Variants in NDRG2 observed in about 807,000 individuals in gnomAD.
NDRG2 encodes the protein protein NDRG2.
Under a neutral mutation model 58.2 loss-of-function variants are expected in NDRG2, and 34 were observed. The observed-to-expected ratio is 0.58, with a 90% CI of 0.44 to 0.78. NDRG2 has a LOEUF of 0.78. Ranked by LOEUF, NDRG2 falls within the 30% of genes least tolerant of loss-of-function variation. The pLI is 0.00. For missense variants in NDRG2, 434 were observed against 471.2 expected (o/e 0.92, Z 0.73); for synonymous variants, 187 against 175.9 (o/e 1.06, Z -0.50).
At chr14:21,025,161 C>T (rs540943432), upstream of NDRG2, 635 of 948,056 alleles carry the variant, frequency 6.7e-4, 4 homozygotes, top group African/African-American at 9.8e-3. The surrounding 1 kb of genome is among the most constrained non-coding windows in gnomAD (Gnocchi z 5.1). Flanking sequence ...AGACCCGCCC[C>T]AGACCCCCAG....
At chr14:21,051,423 T>C (rs569026476) in intron 1 of NDRG2, among the ~76,000 whole-genome samples, 1 of 152,238 alleles carries the variant, frequency 6.6e-6, no homozygotes, top group African/African-American at 2.4e-5. Flanking sequence ...AGCCTTGTTG[T>C]GGTAAGTCAG....
At chr14:21,033,836 A>G in intron 1 of NDRG2, 1 of 1,611,698 alleles carries the variant, frequency 6.2e-7, no homozygotes, top group Non-Finnish European at 8.5e-7. Context: ...CCGAATAGAG[A>G]CCAGCGATAC....
chr14:21,031,896 C>A (rs1406065877), intron 1 of NDRG2: 1 of 1,613,086 alleles, frequency 6.2e-7, no homozygotes, highest in East Asian at 2.2e-5. Flanking sequence ...TTGCAGAAAG[C>A]AACAACAGTG....
At chr14:21,030,968 G>A in intron 1 of NDRG2, 1 of 1,572,760 alleles carries the variant, frequency 6.4e-7, no homozygotes, top group Non-Finnish European at 8.6e-7. Context: ...GGAAGGTAAT[G>A]CATTCATGCT....
chr14:21,061,015 T>A (rs931744301), intron 1 of NDRG2, among the ~76,000 whole-genome samples: 13 of 152,190 alleles, frequency 8.5e-5, no homozygotes, highest in African/African-American at 3.1e-4. Flanking sequence ...TATACCTAGG[T>A]TGGTACAACC....
upstream of NDRG2, chr14:21,025,736 C>T (rs1390780724): frequency 2.5e-5 from 13 of 528,264 alleles, no homozygotes; most frequent in Middle Eastern, 2.0e-3. This position sits in a 1 kb window ranked among gnomAD's most constrained non-coding sequence, Gnocchi z 5.1. Flanking sequence ...AGAAGTTGGA[C>T]AACAAGGCGG....
At position 21,068,161 on chromosome 14, in the gene NDRG2, G is replaced by T. The variant is rs1317751042; in HGVS notation, c.24+2667C>A. On this transcript the variant is annotated intron_variant, in intron 1 of 14. Transcript: ENST00000403829. ...ACTACAGGCGCCCGCTACCACGCCCGGCTAATTTTTTGTATTTTTAGTAGA... is the reference window on the plus strand; with the variant it reads ...ACTACAGGCGCCCGCTACCACGCCCTGCTAATTTTTTGTATTTTTAGTAGA... 8.2e-5 allele frequency among the ~76,000 whole-genome samples: 4 copies of T among 48,846 alleles called. 2 individuals carry two copies. The Admixed American group carries it at 1.4e-3, about 17-fold the overall frequency. The allele number at this position is 48,846 out of a possible 152,430, so 32.0% of individuals were successfully genotyped here. A position where few individuals can be genotyped will look rare whatever the true frequency, so the allele number is the denominator to read the frequency against.
intron 1 of NDRG2, chr14:21,032,849 T>C (rs1884320508): frequency 2.3e-6 from 1 of 434,208 alleles, no homozygotes. Context: ...TTTGAATTGA[T>C]TATGGGTTGA....
In NDRG2 at chr14:21,017,739, G is replaced by A. The variant is rs762825214; in HGVS notation, c.973C>T (p.Leu325=). ...AGAGAGGCTGTACGAGACCGGGACA[G>A]GCGAGTCATGCAGGATGAGGCCACT... ...GYMASSCMTR[L]SRSRTASLTS... is the part of the protein sequence containing the mutation. Residue 325 remains leucine (L), a synonymous_variant, in exon 16 of 16, where the codon CTG becomes TTG. Transcript: ENST00000556147. 6.2e-7 allele frequency: 1 copy of A among 1,601,284 alleles called. No individual in the cohort carries two copies. Among genetic ancestry groups the A allele is most frequent in the Non-Finnish European group, 8.5e-7 (1 of 1,173,628 alleles).
At chr14:21,044,184 G>A in intron 1 of NDRG2, 1 of 167,210 alleles carries the variant, frequency 6.0e-6, no homozygotes. Context: ...GCTCTGAAGA[G>A]CCAGTTACCC....
chr14:21,019,215 A>T (rs1376830569), intron 10 of NDRG2, 55 bp from the exon 11 acceptor site: 10 of 1,442,128 alleles, frequency 6.9e-6, no homozygotes, highest in Admixed American at 2.0e-5. Flanking sequence ...ATCTAACCAG[A>T]TATAAGCTAT....
In NDRG2 at chr14:21,070,395, C is replaced by A; in HGVS notation, c.24+433G>T. 1 of 1,416,418 alleles carries A rather than the reference C, an allele frequency of 7.1e-7. No homozygotes were observed. Among genetic ancestry groups the A allele is most frequent in the Admixed American group, 3.3e-5 (1 of 30,380 alleles). The allele number at this position is 1,416,418 out of a possible 1,614,324, so 87.7% of individuals were successfully genotyped here. A position where few individuals can be genotyped will look rare whatever the true frequency, so the allele number is the denominator to read the frequency against. ...GCGTCGGACGCGGCCCGGCGCCGAG[C>A]CATGGTGAGTCCAGCGTCGCAGCCC... On this transcript the variant is annotated intron_variant, in intron 1 of 14. Coordinates refer to the NDRG2 transcript ENST00000403829. This position sits in a 1 kb window ranked among gnomAD's most constrained non-coding sequence, Gnocchi z 4.7.
intron 1 of NDRG2, among the ~76,000 whole-genome samples, chr14:21,062,321 G>A (rs958341025): frequency 3.9e-5 from 6 of 152,272 alleles, no homozygotes; most frequent in South Asian, 2.1e-4. Context: ...TTGCTGGGGC[G>A]TTTAGTAGGG....
At chr14:21,033,616 T>C (rs1884399165) in intron 1 of NDRG2, 1 of 594,342 alleles carries the variant, frequency 1.7e-6, no homozygotes, top group Admixed American at 2.9e-5. Flanking sequence ...GAAGAGGGGG[T>C]AAACAAGCTG....
Position 21,023,098 on chromosome 14 carries a change from T to C in NDRG2, c.75+143A>G, listed in dbSNP as rs1250454684. 9 of 888,404 alleles carry C rather than the reference T, an allele frequency of 1.0e-5. No homozygotes were observed. In the East Asian group the frequency reaches 2.1e-4, roughly 21 times the overall value. The allele number at this position is 888,404 out of a possible 1,614,324, so 55.0% of individuals were successfully genotyped here. A position where few individuals can be genotyped will look rare whatever the true frequency, so the allele number is the denominator to read the frequency against. ...GAGACAAGGGCCTGACTCCCAATTA[T>C]AGTGTATGGGGAGAGAGACTAGGGT... On this transcript the variant is annotated intron_variant, in intron 2 of 15. Transcript: ENST00000556147.
At chr14:21,053,541 C>T (rs534883112) in intron 1 of NDRG2, among the ~76,000 whole-genome samples, 13 of 152,142 alleles carry the variant, frequency 8.5e-5, no homozygotes, top group Admixed American at 7.9e-4. Flanking sequence ...GCAGGAGAAT[C>T]GCTTGAACCC....
At chr14:21,058,420 C>A in intron 1 of NDRG2, 1 of 1,219,354 alleles carries the variant, frequency 8.2e-7, no homozygotes, top group Non-Finnish European at 1.2e-6. Context: ...TTCCTCCCTC[C>A]AGTTCGTTAT....
intron 1 of NDRG2, chr14:21,031,850 G>T (rs373591996): frequency 1.3e-6 from 2 of 1,594,164 alleles, no homozygotes; most frequent in African/African-American, 2.7e-5. Flanking sequence ...ATATGACAGC[G>T]TAAGGAAAGG....
In NDRG2 at chr14:21,070,434, G is replaced by C; in HGVS notation, c.24+394C>G. On this transcript the variant is annotated intron_variant, in intron 1 of 14. Transcript: ENST00000403829. The surrounding 1 kb of genome is among the most constrained non-coding windows in gnomAD (Gnocchi z 4.7). ...GCGTCGCAGCCCCCTGGGTCCCCTC[G>C]GCCTTCGCGCAGCCCGCTCCGGGCC... 7.2e-7 allele frequency: 1 copy of C among 1,392,074 alleles called. No homozygotes were observed. Among genetic ancestry groups the C allele is most frequent in the Non-Finnish European group, 9.2e-7 (1 of 1,081,134 alleles). The allele number at this position is 1,392,074 out of a possible 1,614,324, so 86.2% of individuals were successfully genotyped here.
Sources: allele counts gnomAD v4.1 joint callset (sites outside exome capture counted in the v4.1 genomes callset), GRCh38; gene constraint gnomAD v4.1.1; non-coding constraint Gnocchi (gnomAD v3.1); transcripts MANE v1.5; gene names NCBI Gene and HGNC (gene_info 2026-07-23, HGNC 2026-07-21).